The following CDH12 variants were observed in gnomAD, a reference collection of about 807,000 sequenced individuals.
CDH12 encodes cadherin 12, also known as cadherin-12.
A neutral mutation model predicts 74.1 loss-of-function variants in CDH12; 41 were observed. The ratio of observed to expected loss-of-function variants is 0.55; its 90% CI spans 0.43 to 0.72. CDH12 has a LOEUF of 0.72. CDH12 is among the 30% of genes least tolerant of loss of function. The pLI, the probability that CDH12 is intolerant of heterozygous loss-of-function variation, is 0.00. For synonymous variants in CDH12, 399 were observed against 355.0 expected (o/e 1.12, Z -1.39); for missense variants, 945 against 977.2 (o/e 0.97, Z 0.44).
chr5:22,560,396 T>C (rs1031957935), intron 1 of CDH12, among the ~76,000 whole-genome samples: 7 of 152,142 alleles, frequency 4.6e-5, no homozygotes, highest in Non-Finnish European at 2.9e-5. Flanking sequence ...TGAGAGTTTT[T>C]AGGCATTCAC....
At chr5:22,512,670 A>G (rs1345025332) in intron 1 of CDH12, among the ~76,000 whole-genome samples, 1 of 152,192 alleles carries the variant, frequency 6.6e-6, no homozygotes, top group Non-Finnish European at 1.5e-5. Flanking sequence ...TACGATAATG[A>G]AAAGGATTTT....
intron 2 of CDH12, among the ~76,000 whole-genome samples, chr5:22,481,750 T>A (rs1429712239): frequency 6.6e-6 from 1 of 152,142 alleles, no homozygotes; most frequent in African/African-American, 2.4e-5. Flanking sequence ...TAATGCAAGA[T>A]AAACAAGTTC....
At chr5:22,483,612 T>C (rs911196221) in intron 2 of CDH12, among the ~76,000 whole-genome samples, 2 of 150,308 alleles carry the variant, frequency 1.3e-5, no homozygotes, top group African/African-American at 4.9e-5. Flanking sequence ...GCTTTGTGAA[T>C]ATCTGCTGGA....
Position 22,162,291 on chromosome 5 carries a change from T to C in CDH12, c.-187+50207A>G, listed in dbSNP as rs552984354. On this transcript the variant is annotated intron_variant, in intron 4 of 14. Coordinates refer to ENST00000382254, the MANE Select transcript of CDH12 (RefSeq NM_004061.5). ...CTAGTTGCCACCCGTTTCTCTCTCT[T>C]TGTCTGACTCTTCATTTCTGCCTGC... Among the ~76,000 whole-genome samples, 403 of 152,230 alleles carry C rather than the reference T, an allele frequency of 2.6e-3. 3 individuals carry two copies. Among genetic ancestry groups the C allele is most frequent in the Non-Finnish European group, 3.8e-3 (261 of 68,014 alleles).
At chr5:22,385,979 G>A (rs1040004081) in intron 3 of CDH12, among the ~76,000 whole-genome samples, 2 of 142,832 alleles carry the variant, frequency 1.4e-5, no homozygotes, top group African/African-American at 5.3e-5. Context: ...CACAACCTCT[G>A]CCTCCCAGTT....
At chr5:21,969,688 C>T (rs1193339660) in intron 6 of CDH12, among the ~76,000 whole-genome samples, 1 of 152,124 alleles carries the variant, frequency 6.6e-6, no homozygotes, top group Non-Finnish European at 1.5e-5. Flanking sequence ...TAGAGCCATT[C>T]CTATGAGAAA....
chr5:21,988,275 T>C (rs1278232483), intron 5 of CDH12, among the ~76,000 whole-genome samples: 6 of 151,888 alleles, frequency 4.0e-5, no homozygotes, highest in African/African-American at 4.8e-5. Flanking sequence ...GCGGATCACT[T>C]GAGGTCAGGA....
intron 2 of CDH12, among the ~76,000 whole-genome samples, chr5:22,483,935 G>T (rs532685515): frequency 1.7e-4 from 25 of 149,154 alleles, no homozygotes; most frequent in African/African-American, 5.7e-4. Context: ...GATATCAGGG[G>T]CCATATAAGA....
intron 12 of CDH12, among the ~76,000 whole-genome samples, chr5:21,760,967 G>A (rs1744687279): frequency 6.6e-6 from 1 of 152,080 alleles, no homozygotes; most frequent in African/African-American, 2.4e-5. Flanking sequence ...AAATTAAAAT[G>A]TACTTGCTTG....
chr5:22,635,738 A>G (rs954413479), intron 1 of CDH12, among the ~76,000 whole-genome samples: 2 of 152,072 alleles, frequency 1.3e-5, no homozygotes, highest in African/African-American at 2.4e-5. Context: ...ACATGGTGAA[A>G]CCTCGTCTCT....
At chr5:22,153,017 A>G (rs1747702897) in intron 4 of CDH12, among the ~76,000 whole-genome samples, 2 of 152,094 alleles carry the variant, frequency 1.3e-5, no homozygotes, top group African/African-American at 2.4e-5. Flanking sequence ...TTCTTGATGG[A>G]TGCTTCAGTT....
chr5:22,815,833 AAG>A (rs1749369785), intron 1 of CDH12, among the ~76,000 whole-genome samples: 1 of 151,726 alleles, frequency 6.6e-6, no homozygotes, highest in Admixed American at 6.6e-5. Context: ...CTACCGGTGA[AAG>A]AGAGCCTCTA....
At chr5:22,118,684 T>C (rs1580279044) in intron 4 of CDH12, among the ~76,000 whole-genome samples, 1 of 152,092 alleles carries the variant, frequency 6.6e-6, no homozygotes. Flanking sequence ...TCTTCACTAT[T>C]ACACTTCCAA....
chr5:22,672,138 T>G (rs969217937), intron 1 of CDH12, among the ~76,000 whole-genome samples: 1 of 134,224 alleles, frequency 7.5e-6, no homozygotes, highest in Non-Finnish European at 1.6e-5. Flanking sequence ...TATATATAAA[T>G]ATATATTTAT....
chr5:22,753,755 G>A (rs1745730967), intron 1 of CDH12, among the ~76,000 whole-genome samples: 1 of 151,726 alleles, frequency 6.6e-6, no homozygotes, highest in African/African-American at 2.4e-5. Flanking sequence ...CGGTTGGGCA[G>A]AAGATACACA....
chr5:22,360,426 G>A (rs746393992), intron 3 of CDH12, among the ~76,000 whole-genome samples: 35 of 152,156 alleles, frequency 2.3e-4, no homozygotes, highest in Non-Finnish European at 4.3e-4. Flanking sequence ...CTCTGAAATT[G>A]AGGCAATAAT....
Position 22,078,760 on chromosome 5 carries a change from G to A in CDH12, c.-84C>T. 1.9e-6 allele frequency: 3 copies of A among 1,541,306 alleles called. No individual in the cohort carries two copies. Among genetic ancestry groups the A allele is most frequent in the Non-Finnish European group, 2.6e-6 (3 of 1,147,708 alleles). Reference sequence around the variant, plus strand: ...GGAATCCAGGTTTGAGGTGTCTGTGGCCTCCACCACTTAGCTTCTTGTTTT... The same window carrying A: ...GGAATCCAGGTTTGAGGTGTCTGTGACCTCCACCACTTAGCTTCTTGTTTT... On this transcript the variant is annotated 5_prime_UTR_variant, in exon 5 of 15. Coordinates refer to ENST00000382254, the MANE Select transcript of CDH12 (RefSeq NM_004061.5).
chr5:22,397,456 GTT>G (rs55937701), intron 3 of CDH12, among the ~76,000 whole-genome samples: 22 of 140,376 alleles, frequency 1.6e-4, no homozygotes, highest in East Asian at 6.2e-4. Flanking sequence ...TTGATTCCAG[GTT>G]TTTTTTTTTT....
intron 10 of CDH12, among the ~76,000 whole-genome samples, chr5:21,786,786 G>C (rs1746221507): frequency 6.6e-6 from 1 of 152,158 alleles, no homozygotes; most frequent in African/African-American, 2.4e-5. Context: ...ATGCCATTAA[G>C]AACATTGGTG....
Sources: allele counts gnomAD v4.1 joint callset (sites outside exome capture counted in the v4.1 genomes callset), GRCh38; gene constraint gnomAD v4.1.1; transcripts MANE v1.5; gene names NCBI Gene and HGNC (gene_info 2026-07-23, HGNC 2026-07-21).